The following GPATCH8 variants were observed in gnomAD, a reference collection of about 807,000 sequenced individuals.
GPATCH8 encodes the protein G patch domain-containing protein 8.
A neutral mutation model predicts 118.3 loss-of-function variants in GPATCH8; 18 were observed. The observed-to-expected ratio is 0.15, with a 90% CI of 0.11 to 0.23. GPATCH8 has a LOEUF of 0.23. Ranked by LOEUF, GPATCH8 falls within the 10% of genes least tolerant of loss-of-function variation. GPATCH8 has a pLI of 1.00. For synonymous variants in GPATCH8, 659 were observed against 684.7 expected (o/e 0.96, Z 0.59); for missense variants, 1,631 against 1,873.8 (o/e 0.87, Z 2.39).
In GPATCH8 at chr17:44,396,227, C is replaced by T. The variant is rs757352480; in HGVS notation, c.*1341G>A. 3 of 454,394 alleles carry T rather than the reference C, an allele frequency of 6.6e-6. No individual in the cohort carries two copies. The highest frequency in any genetic ancestry group is 4.7e-5 in the South Asian group (3 of 64,462). 28.1% of individuals were successfully genotyped at this position (454,394 alleles called of 1,614,324 possible). ...CCTGGAACAAGGTACCCAGGGAAAC[C>T]CAGGAATCCCCCCAGACAATCACCA... is the stretch of plus-strand genomic sequence containing the variant. On this transcript the variant is annotated 3_prime_UTR_variant, in exon 8 of 8. Coordinates refer to ENST00000591680, the MANE Select transcript of GPATCH8 (RefSeq NM_001002909.4).
chr17:44,398,108 G>C lies in GPATCH8; in HGVS notation c.3969C>G (p.Leu1323=). 2 of 1,614,070 alleles carry C rather than the reference G, an allele frequency of 1.2e-6. No individual in the cohort carries two copies. The highest frequency in any genetic ancestry group is 8.5e-7 in the Non-Finnish European group (1 of 1,179,988). The change falls in exon 8 of 8, where the codon CTC becomes CTG. Residue 1323 remains leucine, a synonymous_variant. Transcript: ENST00000591680. ...TPEEMEKYSK[L]QQAAQQHIQQ... ...GGATGTGTTGCTGAGCAGCCTGCTG[G>C]AGCTTGCTGTACTTCTCCATCTCCT...
Position 44,396,441 on chromosome 17 carries a change from G to A in GPATCH8, c.*1127C>T. 2.2e-6 allele frequency: 1 copy of A among 454,290 alleles called. No individual in the cohort carries two copies. The highest frequency in any genetic ancestry group is 1.6e-5 in the South Asian group (1 of 64,476). 28.1% of individuals were successfully genotyped at this position (454,290 alleles called of 1,614,324 possible). A position where few individuals can be genotyped will look rare whatever the true frequency, so the allele number is the denominator to read the frequency against. ...CCCAATACTGGGGGCACTACATACT[G>A]CAAATTACTTAACATTTTGTCCCAG... is the stretch of plus-strand genomic sequence containing the variant. On this transcript the variant is annotated 3_prime_UTR_variant, in exon 8 of 8. Coordinates refer to ENST00000591680, the MANE Select transcript of GPATCH8 (RefSeq NM_001002909.4).
chr17:44,419,869 A>C (rs1161805009), intron 6 of GPATCH8, among the ~76,000 whole-genome samples: 1 of 152,162 alleles, frequency 6.6e-6, no homozygotes, highest in Non-Finnish European at 1.5e-5. Flanking sequence ...CGAACTATGA[A>C]AAATTTAGTG....
rs550579732 is a variant in GPATCH8 at position 44,489,530 on chromosome 17, G to A, written c.45+13796C>T. Among the ~76,000 whole-genome samples the A allele has an allele frequency of 4.6e-5, 7 of 152,142 alleles. No homozygotes were observed. In the South Asian group the frequency reaches 1.2e-3, roughly 27 times the overall value. ...TAATTTTTGTATTTTAGTAGAGACGGGATTTCACCATGTTGGCCAGGCTGG... is the reference window on the plus strand; with the variant it reads ...TAATTTTTGTATTTTAGTAGAGACGAGATTTCACCATGTTGGCCAGGCTGG... On this transcript the variant is annotated intron_variant, in intron 1 of 7. Coordinates refer to ENST00000591680, the MANE Select transcript of GPATCH8 (RefSeq NM_001002909.4).
chr17:44,474,733 G>C (rs1341255706), intron 2 of GPATCH8, 96 bp downstream of exon 2: 1 of 733,610 alleles, frequency 1.4e-6, no homozygotes, highest in Non-Finnish European at 2.5e-6. Flanking sequence ...CTGTACTATT[G>C]GTTATTAATA....
chr17:44,397,878 T>C lies in GPATCH8; in HGVS notation c.4199A>G (p.Gln1400Arg), dbSNP rs1404663456. ...AIGIHPHPHP[Q>R]PLAQVHHIPQ... Reference sequence around the variant, plus strand: ...AATATGATGCACCTGGGCAAGTGGTTGGGGATGGGGGTGAGGGTGAATGCC... The same window carrying C: ...AATATGATGCACCTGGGCAAGTGGTCGGGGATGGGGGTGAGGGTGAATGCC... The change falls in exon 8 of 8, where the codon CAA becomes CGA. Residue 1400 changes from glutamine (Q) to arginine (R), a missense_variant. By Grantham distance (43) the Gln-to-Arg change is conservative (BLOSUM62 1). This residue lies in a region of GPATCH8 where 111 missense variants were observed against 112.4 expected (regional missense o/e 0.99). Coordinates refer to ENST00000591680, the MANE Select transcript of GPATCH8 (RefSeq NM_001002909.4). 8 of 1,605,216 alleles carry C rather than the reference T, an allele frequency of 5.0e-6. No homozygotes were observed. Among genetic ancestry groups the C allele is most frequent in the Non-Finnish European group, 6.8e-6 (8 of 1,173,694 alleles).
At chr17:44,426,131 G>A (rs2050081780) in intron 5 of GPATCH8, among the ~76,000 whole-genome samples, 1 of 152,138 alleles carries the variant, frequency 6.6e-6, no homozygotes, top group Non-Finnish European at 1.5e-5. Flanking sequence ...CATATATCCT[G>A]TACATAAAAG....
chr17:44,397,706 G>C lies in GPATCH8; in HGVS notation c.4371C>G (p.Val1457=), dbSNP rs2048828668. ...IHPGPFTFHP[V]PHAALYPTLL... ...GGGTGGGGTAGAGGGCAGCATGTGG[G>C]ACAGGGTGAAAGGTGAAGGGCCCAG... Residue 1457 remains valine (V), a synonymous_variant, in exon 8 of 8, where the codon GTC becomes GTG. Transcript: ENST00000591680. The C allele has an allele frequency of 1.2e-6, 2 of 1,610,168 alleles. No homozygotes were observed.
intron 1 of GPATCH8, among the ~76,000 whole-genome samples, chr17:44,492,413 C>CA (rs1374055975): frequency 4.4e-5 from 5 of 113,168 alleles, no homozygotes; most frequent in South Asian, 2.9e-4. Context: ...CTGTCTCTAC[C>CA]AAAAAAAAAT....
chr17:44,417,760 C>T (rs1010036450), intron 6 of GPATCH8, among the ~76,000 whole-genome samples: 1 of 152,126 alleles, frequency 6.6e-6, no homozygotes, highest in Non-Finnish European at 1.5e-5. Flanking sequence ...TAATGAGTCA[C>T]ACAGATTGGT....
At chr17:44,453,613 C>T (rs1023015208) in intron 3 of GPATCH8, among the ~76,000 whole-genome samples, 2 of 151,746 alleles carry the variant, frequency 1.3e-5, no homozygotes, top group African/African-American at 4.8e-5. Flanking sequence ...GCAGCCTCAA[C>T]TTCATGGCCT....
chr17:44,425,539 G>T (rs1178331743), intron 5 of GPATCH8, among the ~76,000 whole-genome samples: 1 of 152,142 alleles, frequency 6.6e-6, no homozygotes, highest in African/African-American at 2.4e-5. Flanking sequence ...GTTTCATGTT[G>T]TTTGGCTATT....
intron 1 of GPATCH8, among the ~76,000 whole-genome samples, chr17:44,478,119 C>T (rs1476926384): frequency 1.3e-5 from 2 of 152,170 alleles, no homozygotes; most frequent in South Asian, 2.1e-4. Flanking sequence ...AGCCACCAAG[C>T]GCAGCCTGAA....
At chr17:44,475,862 C>CA (rs963595017) in intron 1 of GPATCH8, among the ~76,000 whole-genome samples, 4 of 151,368 alleles carry the variant, frequency 2.6e-5, no homozygotes, top group South Asian at 2.1e-4. Flanking sequence ...CCTGTTTCTA[C>CA]AAAAAAAAAT....
rs2048946831 is a variant in GPATCH8, at chr17:44,399,916, A to G, written c.2161T>C (p.Ser721Pro). ...RKKRKRKKNK[S>P]SAPADSERGP... ...CGTTCAGAATCTGCTGGGGCTGATG[A>G]CTTATTCTTCTTTCGTTTTCGTTTC... Residue 721 changes from serine to proline, a missense_variant, in exon 8 of 8, where the codon TCA (serine) becomes CCA (proline). Physicochemically the swap from Ser to Pro is moderately conservative, Grantham distance 74 (BLOSUM62 -1). Around this residue, in one of 8 missense-constraint regions of GPATCH8, gnomAD observed 922 missense variants for 879.7 expected, o/e 1.05. Coordinates refer to ENST00000591680, the MANE Select transcript of GPATCH8 (RefSeq NM_001002909.4). 5 of 1,612,262 alleles carry G rather than the reference A, an allele frequency of 3.1e-6. No homozygotes were observed. The African/African-American group carries it at 5.4e-5, about 17-fold the overall frequency.
chr17:44,482,573 C>CAAAAAAAAAAAAAAAAAAAACAAAAA (rs376299230), intron 1 of GPATCH8, among the ~76,000 whole-genome samples: 1 of 97,086 alleles, frequency 1.0e-5, no homozygotes, highest in Non-Finnish European at 2.1e-5. Context: ...GACTCCATCT[C>CAAAAAAAAAAAAAAAAAAAACAAAAA]AAAAAAAAAA....
At chr17:44,446,673 A>G (rs2050895717) in intron 3 of GPATCH8, among the ~76,000 whole-genome samples, 1 of 152,204 alleles carries the variant, frequency 6.6e-6, no homozygotes, top group Non-Finnish European at 1.5e-5. Context: ...TGTAGACAGC[A>G]GCCAGTCTTG....
At chr17:44,462,128 G>A (rs2051576892) in intron 3 of GPATCH8, among the ~76,000 whole-genome samples, 1 of 152,004 alleles carries the variant, frequency 6.6e-6, no homozygotes, top group South Asian at 2.1e-4. Context: ...GCAGGTTCTA[G>A]TTGTACTTTA....
intron 6 of GPATCH8, among the ~76,000 whole-genome samples, chr17:44,414,159 GTA>G (rs536583321): frequency 6.0e-4 from 61 of 100,858 alleles, no homozygotes; most frequent in African/African-American, 1.6e-3. Context: ...ATATATATGT[GTA>G]TATATATATA....
Sources: gnomAD v4.1 joint callset for allele counts (sites outside exome capture counted in the v4.1 genomes callset) on GRCh38, gnomAD v4.1.1 for gene constraint, gnomAD v4.1.1 regional missense constraint, MANE v1.5 for transcripts, NCBI Gene and HGNC (gene_info 2026-07-23, HGNC 2026-07-21) for gene names.